Variants in ZNF81 observed in about 807,000 individuals in gnomAD.
ZNF81 encodes zinc finger protein 81 (HFZ20).
A neutral mutation model predicts 32.3 loss-of-function variants in ZNF81; 5 were observed. The ratio of observed to expected loss-of-function variants is 0.15; its 90% CI spans 0.08 to 0.33. The LOEUF (loss-of-function observed/expected upper bound fraction) is 0.33, where lower values mean the gene tolerates loss of function less well. Ranked by LOEUF, ZNF81 falls within the 10% of genes least tolerant of loss-of-function variation. The pLI is 1.00. For synonymous variants in ZNF81, 163 were observed against 166.8 expected (o/e 0.98, Z 0.17); for missense variants, 379 against 479.8 (o/e 0.79, Z 1.96).
chrX:47,881,467 G>A (rs974990264), intron 2 of ZNF81, among the ~76,000 whole-genome samples: 13 of 112,114 alleles, frequency 1.2e-4, no homozygotes, highest in African/African-American at 3.2e-4. Context: ...CCAGATAGTC[G>A]CTGCCTACCT....
chrX:47,844,507 T>C (rs370316123), intron 1 of ZNF81, among the ~76,000 whole-genome samples: 77 of 112,640 alleles, frequency 6.8e-4, no homozygotes, highest in African/African-American at 2.3e-3. Context: ...GTACTTCTTT[T>C]GTATTACCAA....
At chrX:47,860,924 G>A (rs2058537937) in intron 2 of ZNF81, 1 of 111,969 alleles carries the variant, frequency 8.9e-6, no homozygotes, top group African/African-American at 3.3e-5. Flanking sequence ...TTGACACAGA[G>A]CTCCTAATCC....
At chrX:47,903,206 C>A (rs2058705162) in intron 4 of ZNF81, among the ~76,000 whole-genome samples, 1 of 107,866 alleles carries the variant, frequency 9.3e-6, no homozygotes, top group African/African-American at 3.4e-5. Context: ...GAAGTTCTGG[C>A]CAGGGCAATT....
At chrX:47,904,040 C>T (rs2058710226) in intron 4 of ZNF81, among the ~76,000 whole-genome samples, 1 of 110,820 alleles carries the variant, frequency 9.0e-6, no homozygotes, top group Admixed American at 9.6e-5. Flanking sequence ...CCCTTCCTTA[C>T]ACCTTATACA....
At chrX:47,866,485 A>G (rs1172794161) in intron 2 of ZNF81, among the ~76,000 whole-genome samples, 1 of 112,111 alleles carries the variant, frequency 8.9e-6, no homozygotes, top group African/African-American at 3.2e-5. Context: ...AAGATAAATA[A>G]CTTGTCTCAT....
In ZNF81 at chrX:47,915,750, C is replaced by T; in HGVS notation, c.1104C>T (p.Phe368=). ...GCAATGAATGTGGGAAATCATTTTT[C>T]CAGGTGTCATCTCTACTCAGGCATC... ...YKCNECGKSF[F]QVSSLLRHQT... The change falls in exon 5 of 5, where the codon TTC becomes TTT. Residue 368 remains phenylalanine (F), a synonymous_variant. Coordinates refer to ENST00000338637, the MANE Select transcript of ZNF81 (RefSeq NM_007137.5). 8.3e-7 allele frequency: 1 copy of T among 1,210,697 alleles called. No homozygotes were observed. Among genetic ancestry groups the T allele is most frequent in the Non-Finnish European group, 1.1e-6 (1 of 895,258 alleles).
rs782545990 is a variant in ZNF81 at position 47,920,831 on chromosome X, G to A, written c.*4199G>A. 2.7e-5 allele frequency: 3 copies of A among 110,939 alleles called. No individual in the cohort carries two copies. The East Asian group carries it at 8.6e-4, about 32-fold the overall frequency. The allele number at this position is 110,939 out of a possible 1,213,427, so 9.1% of individuals were successfully genotyped here. A position where few individuals can be genotyped will look rare whatever the true frequency, so the allele number is the denominator to read the frequency against. Reference sequence around the variant, plus strand: ...GGTCTACAGCTCTCATGAGTCTCCCGCACTCAGCCTTTAGCAATTCATTAA... The same window carrying A: ...GGTCTACAGCTCTCATGAGTCTCCCACACTCAGCCTTTAGCAATTCATTAA... On this transcript the variant is annotated 3_prime_UTR_variant, in exon 5 of 5. Transcript: ENST00000338637.
intron 4 of ZNF81, among the ~76,000 whole-genome samples, chrX:47,910,270 C>A (rs1197019214): frequency 1.8e-5 from 2 of 111,236 alleles, no homozygotes; most frequent in Non-Finnish European, 3.8e-5. Flanking sequence ...TTCTGCACAG[C>A]AAAAGAAACT....
At chrX:47,884,726 T>C (rs782068953) in intron 2 of ZNF81, among the ~76,000 whole-genome samples, 2 of 111,957 alleles carry the variant, frequency 1.8e-5, no homozygotes, top group South Asian at 7.4e-4. Context: ...AGAGAAATCC[T>C]AAATTTCAGA....
At chrX:47,849,684 A>G (rs1042951124) in intron 2 of ZNF81, among the ~76,000 whole-genome samples, 18 of 110,909 alleles carry the variant, frequency 1.6e-4, no homozygotes, top group East Asian at 5.6e-4. Flanking sequence ...AAAAAAAAAA[A>G]AAGAAGAAGA....
chrX:47,885,970 C>T (rs782473901), intron 2 of ZNF81, among the ~76,000 whole-genome samples: 3 of 112,088 alleles, frequency 2.7e-5, no homozygotes, highest in South Asian at 7.5e-4. Flanking sequence ...CTTCAGTTAC[C>T]TCTATTCTTC....
At chrX:47,838,967 T>G (rs1253093532) in intron 1 of ZNF81, among the ~76,000 whole-genome samples, 1 of 111,186 alleles carries the variant, frequency 9.0e-6, no homozygotes, top group Non-Finnish European at 1.9e-5. Flanking sequence ...TATTATTTTT[T>G]GTAAACCGGG....
chrX:47,905,596 C>T (rs1473778105), intron 4 of ZNF81, among the ~76,000 whole-genome samples: 3 of 110,087 alleles, frequency 2.7e-5, no homozygotes, highest in Non-Finnish European at 5.7e-5. Context: ...ACTGGGGAAC[C>T]CTAGCCATCT....
chrX:47,905,566 C>T (rs1160865196), intron 4 of ZNF81, among the ~76,000 whole-genome samples: 5 of 110,698 alleles, frequency 4.5e-5, no homozygotes, highest in African/African-American at 1.3e-4. Flanking sequence ...CTATTTTTCA[C>T]CATGGCCACT....
At chrX:47,913,654 A>C (rs1556890186) in intron 4 of ZNF81, among the ~76,000 whole-genome samples, 1 of 112,119 alleles carries the variant, frequency 8.9e-6, no homozygotes, top group African/African-American at 3.2e-5. Flanking sequence ...GGACCACTTA[A>C]ATTTGTAGTT....
intron 2 of ZNF81, among the ~76,000 whole-genome samples, chrX:47,874,369 C>T (rs1556884266): frequency 8.9e-6 from 1 of 112,033 alleles, no homozygotes; most frequent in African/African-American, 3.3e-5. Flanking sequence ...TCTTCCAATC[C>T]CTAACATGCC....
In ZNF81 at chrX:47,921,742, G is replaced by A. The variant is rs782812729; in HGVS notation, c.*5110G>A. 9.0e-6 allele frequency: 1 copy of A among 111,072 alleles called. No individual in the cohort carries two copies. The highest frequency in any genetic ancestry group is 2.8e-4 in the East Asian group (1 of 3,513). 9.2% of individuals were successfully genotyped at this position (111,072 alleles called of 1,213,427 possible). A position where few individuals can be genotyped will look rare whatever the true frequency, so the allele number is the denominator to read the frequency against. ...GGGGAAACCTGCTGCTACATCATGAGATAGCCCTGTGGAAAGGTCCACATG... is the reference window on the plus strand; with the variant it reads ...GGGGAAACCTGCTGCTACATCATGAAATAGCCCTGTGGAAAGGTCCACATG... On this transcript the variant is annotated 3_prime_UTR_variant, in exon 5 of 5. Transcript: ENST00000338637.
chrX:47,849,972 A>G (rs950933080), intron 2 of ZNF81, among the ~76,000 whole-genome samples: 5 of 111,901 alleles, frequency 4.5e-5, no homozygotes, highest in Non-Finnish European at 7.5e-5. Flanking sequence ...AATTTAGAAC[A>G]CTGACAATGA....
intron 2 of ZNF81, among the ~76,000 whole-genome samples, chrX:47,851,822 T>C (rs1446350858): frequency 8.0e-5 from 9 of 112,676 alleles, no homozygotes; most frequent in African/African-American, 2.9e-4. Context: ...TTTTATTTTT[T>C]ACTTTTACTG....
Sources: gnomAD v4.1 joint callset for allele counts (sites outside exome capture counted in the v4.1 genomes callset) on GRCh38, gnomAD v4.1.1 for gene constraint, MANE v1.5 for transcripts, NCBI Gene and HGNC (gene_info 2026-07-23, HGNC 2026-07-21) for gene names.